Variants in FGD4 observed in about 807,000 individuals in gnomAD.
FGD4 encodes the protein FYVE, RhoGEF and PH domain containing 4, also known as FYVE, RhoGEF and PH domain-containing protein 4.
A neutral mutation model predicts 102.0 loss-of-function variants in FGD4; 42 were observed. That is an observed-to-expected ratio of 0.41 (90% CI 0.32 to 0.53). The LOEUF is 0.53. Ranked by LOEUF, FGD4 falls within the 20% of genes least tolerant of loss-of-function variation. The probability of loss-of-function intolerance (pLI) is 0.21; values close to 1 mark genes in which losing one functional copy is unlikely to be tolerated. For missense variants in FGD4, 902 were observed against 1,078.2 expected, an observed-to-expected ratio of 0.84 and a Z score of 2.29; for synonymous variants, 380 against 375.7, an observed-to-expected ratio of 1.01 and a Z score of -0.13.
intron 1 of FGD4, among the ~76,000 whole-genome samples, chr12:32,533,868 G>A (rs1003754091): frequency 3.3e-5 from 5 of 152,172 alleles, no homozygotes; most frequent in African/African-American, 1.2e-4. Context: ...TAGGAAATTT[G>A]TATGTAGTAT....
chr12:32,567,550 A>G (rs1446621606), intron 2 of FGD4, among the ~76,000 whole-genome samples: 1 of 152,176 alleles, frequency 6.6e-6, no homozygotes, highest in African/African-American at 2.4e-5. Flanking sequence ...ACAGTCCACA[A>G]CAAAGAATTC....
At chr12:32,526,361 C>A (rs565916510) in intron 1 of FGD4, among the ~76,000 whole-genome samples, 99 of 152,332 alleles carry the variant, frequency 6.5e-4, no homozygotes, top group Middle Eastern at 6.8e-3. Context: ...CCAATCAGCA[C>A]CCTGAGTTTA....
chr12:32,599,534 CTTTTTTTTTTT>C (rs764106230), intron 5 of FGD4, among the ~76,000 whole-genome samples: 620 of 35,012 alleles, frequency 0.018, 2 homozygotes, highest in Non-Finnish European at 0.023. Context: ...ACTAAGGCAT[CTTTTTTTTTTT>C]TTTTTTTTTT....
At chr12:32,472,307 G>A (rs1011959060) in intron 1 of FGD4, among the ~76,000 whole-genome samples, 2 of 152,234 alleles carry the variant, frequency 1.3e-5, no homozygotes, top group African/African-American at 2.4e-5. Flanking sequence ...GCACGAGCGG[G>A]AACCAGGGCT....
intron 14 of FGD4, 90 bp from the exon 15 acceptor site, chr12:32,633,459 A>G (rs1950608760): frequency 2.2e-5 from 30 of 1,395,000 alleles, no homozygotes; most frequent in Non-Finnish European, 2.9e-5. Flanking sequence ...TATGCTTAAC[A>G]TTTTCTCATT....
At chr12:32,590,856 A>G (rs535151796) in intron 4 of FGD4, among the ~76,000 whole-genome samples, 1 of 152,346 alleles carries the variant, frequency 6.6e-6, no homozygotes, top group South Asian at 2.1e-4. Context: ...TAGTTTCATG[A>G]TAAAGAATCT....
At chr12:32,571,254 A>C (rs1945637936) in intron 2 of FGD4, among the ~76,000 whole-genome samples, 1 of 152,154 alleles carries the variant, frequency 6.6e-6, no homozygotes. Context: ...CGGGAGTTTG[A>C]GGCCAACCTG....
intron 1 of FGD4, among the ~76,000 whole-genome samples, chr12:32,533,963 A>G (rs1394873932): frequency 6.6e-6 from 1 of 152,258 alleles, no homozygotes; most frequent in Non-Finnish European, 1.5e-5. Context: ...AGGTCATTCA[A>G]AATGAGATTT....
rs548627916 is a variant in FGD4 at position 32,608,103 on chromosome 12, C to CT, written c.1543+17dup. ...ACTGGAATGATGCTAAAAGTAAATG[C>CT]TTTTTTTTTGTTTTCTCCCTATTTT... On this transcript the variant is annotated intron_variant, in intron 8 of 16. Transcript: ENST00000534526. The CT allele has an allele frequency of 3.1e-4, 493 of 1,606,306 alleles. No individual in the cohort carries two copies. Among genetic ancestry groups the CT allele is most frequent in the Admixed American group, 2.5e-3 (147 of 59,706 alleles).
At chr12:32,457,273 C>T (rs1040449327) in intron 1 of FGD4, among the ~76,000 whole-genome samples, 1 of 151,894 alleles carries the variant, frequency 6.6e-6, no homozygotes, top group African/African-American at 2.4e-5. Context: ...ATCAGAGATA[C>T]ATATGTGAGA....
intron 1 of FGD4, among the ~76,000 whole-genome samples, chr12:32,408,800 C>T (rs544226986): frequency 5.3e-4 from 81 of 152,298 alleles, no homozygotes; most frequent in Middle Eastern, 6.8e-3. Context: ...TTTTCTGTGA[C>T]ATTTGTACCT....
At chr12:32,546,731 A>G (rs1243734266) in intron 1 of FGD4, among the ~76,000 whole-genome samples, 2 of 152,224 alleles carry the variant, frequency 1.3e-5, no homozygotes, top group Non-Finnish European at 2.9e-5. Flanking sequence ...AGAATGTCGA[A>G]GAGTCTACAA....
At chr12:32,602,114 C>CA (rs201089718) in intron 6 of FGD4, 47 bp from the exon 7 acceptor site, 295 of 1,554,554 alleles carry the variant, frequency 1.9e-4, no homozygotes, top group Middle Eastern at 2.3e-4. Context: ...GACCCTGTCT[C>CA]AAAAAAAAAT....
intron 1 of FGD4, among the ~76,000 whole-genome samples, chr12:32,560,037 C>T (rs1056758274): frequency 2.0e-5 from 3 of 152,070 alleles, no homozygotes; most frequent in East Asian, 3.9e-4. Context: ...CACTAGACCC[C>T]GGGAGGTGGC....
Position 32,640,585 on chromosome 12 carries a change from A to G in FGD4, c.*52A>G. On this transcript the variant is annotated 3_prime_UTR_variant, in exon 17 of 17. Transcript: ENST00000534526. ...GAGGTCTCAGGACTTACAGCTCAAGACATTCCCAGCTCTTCTTACACATCT... is the reference window on the plus strand; with the variant it reads ...GAGGTCTCAGGACTTACAGCTCAAGGCATTCCCAGCTCTTCTTACACATCT... 6.2e-7 allele frequency: 1 copy of G among 1,611,854 alleles called. No homozygotes were observed. Among genetic ancestry groups the G allele is most frequent in the Non-Finnish European group, 8.5e-7 (1 of 1,179,756 alleles).
At chr12:32,551,120 G>A (rs1259585454) in intron 1 of FGD4, among the ~76,000 whole-genome samples, 2 of 152,190 alleles carry the variant, frequency 1.3e-5, no homozygotes, top group Non-Finnish European at 2.9e-5. Context: ...CAGAGGCATT[G>A]GGCAGTGAAG....
chr12:32,415,760 T>C (rs1330676937), intron 1 of FGD4, among the ~76,000 whole-genome samples: 4 of 152,286 alleles, frequency 2.6e-5, no homozygotes, highest in Admixed American at 6.5e-5. Flanking sequence ...TATATCTGGG[T>C]GTTACATCCT....
At chr12:32,515,117 T>C (rs1939761327) in intron 1 of FGD4, among the ~76,000 whole-genome samples, 1 of 152,208 alleles carries the variant, frequency 6.6e-6, no homozygotes. Context: ...AGGAAAACTT[T>C]AAAGGAACTT....
intron 1 of FGD4, among the ~76,000 whole-genome samples, chr12:32,467,543 A>T (rs1211334426): frequency 1.3e-5 from 2 of 152,258 alleles, no homozygotes; most frequent in African/African-American, 4.8e-5. Flanking sequence ...AAAGGAGCTA[A>T]TAAAGTGGAG....
Sources: allele counts gnomAD v4.1 joint callset (sites outside exome capture counted in the v4.1 genomes callset), GRCh38; gene constraint gnomAD v4.1.1; transcripts MANE v1.5; gene names NCBI Gene and HGNC (gene_info 2026-07-23, HGNC 2026-07-21).